Variants in ASTN2 observed in about 807,000 individuals in gnomAD.
The protein encoded by ASTN2 is astrotactin-2.
Under a neutral mutation model 139.8 loss-of-function variants are expected in ASTN2, and 54 were observed. The ratio of observed to expected loss-of-function variants is 0.39; its 90% CI spans 0.31 to 0.48. The LOEUF is 0.48. Among genes scored for constraint, ASTN2 ranks in the 20% least tolerant of loss-of-function variants. The pLI is 0.95. For synonymous variants in ASTN2, 756 were observed against 719.5 expected (o/e 1.05, Z -0.81); for missense variants, 1,565 against 1,725.1 (o/e 0.91, Z 1.64).
At chr9:116,482,040 T>C (rs761229259) in intron 20 of ASTN2, among the ~76,000 whole-genome samples, 1 of 152,074 alleles carries the variant, frequency 6.6e-6, no homozygotes, top group Non-Finnish European at 1.5e-5. Context: ...AAAATAACAC[T>C]ACCCGGCCGG....
chr9:116,482,038 A>G (rs1201969922), intron 20 of ASTN2, among the ~76,000 whole-genome samples: 2 of 152,084 alleles, frequency 1.3e-5, no homozygotes, highest in Non-Finnish European at 2.9e-5. Flanking sequence ...CAAAAATAAC[A>G]CTACCCGGCC....
chr9:117,149,441 G>A (rs985080777), intron 3 of ASTN2, among the ~76,000 whole-genome samples: 4 of 152,116 alleles, frequency 2.6e-5, no homozygotes, highest in African/African-American at 9.7e-5. Flanking sequence ...GTTTGTGTGT[G>A]TGTGTGTATG....
intron 19 of ASTN2, among the ~76,000 whole-genome samples, chr9:116,579,304 T>G (rs16933693): frequency 1.3e-5 from 2 of 152,150 alleles, no homozygotes; most frequent in African/African-American, 4.8e-5. Context: ...ATTCAAACAC[T>G]GGATCTGTCT....
chr9:117,252,808 A>G (rs566908588), intron 2 of ASTN2, among the ~76,000 whole-genome samples: 2 of 152,286 alleles, frequency 1.3e-5, no homozygotes, highest in South Asian at 2.1e-4. Flanking sequence ...CCCTTTTTCC[A>G]TTCTCTGCAG....
chr9:116,776,689 T>C (rs1830095488), intron 13 of ASTN2, among the ~76,000 whole-genome samples: 1 of 152,100 alleles, frequency 6.6e-6, no homozygotes. Flanking sequence ...TGGGTTTGTG[T>C]AGGGGAGGCA....
chr9:116,423,122 T>TAAA lies in ASTN2; in HGVS notation c.*2728_*2729insTTT, dbSNP rs568601888. Among the ~76,000 whole-genome samples, 10 of 152,218 alleles carry TAAA rather than the reference T, an allele frequency of 6.6e-5. No individual in the cohort carries two copies. The highest frequency in any genetic ancestry group is 1.5e-4 in the Non-Finnish European group (10 of 68,044). ...CATAGCTGACAGAGCTGAAAATCAT[T>TAAA]AATTCTTTCTTTTAATCAGAATTCT... On this transcript the variant is annotated 3_prime_UTR_variant, in exon 23 of 23. Coordinates refer to ENST00000313400, the MANE Select transcript of ASTN2 (RefSeq NM_001365068.1).
At chr9:116,752,294 G>A (rs1022964708) in intron 13 of ASTN2, among the ~76,000 whole-genome samples, 3 of 152,116 alleles carry the variant, frequency 2.0e-5, no homozygotes, top group African/African-American at 7.2e-5. Context: ...AGACATCCAT[G>A]TGCCAAGTAA....
chr9:116,852,902 C>CACACACAT (rs968794094), intron 11 of ASTN2, among the ~76,000 whole-genome samples: 3 of 151,328 alleles, frequency 2.0e-5, no homozygotes, highest in African/African-American at 7.3e-5. Flanking sequence ...CACACACACA[C>CACACACAT]ACACACACAC....
At chr9:116,522,158 A>G (rs1850904103) in intron 19 of ASTN2, among the ~76,000 whole-genome samples, 1 of 152,198 alleles carries the variant, frequency 6.6e-6, no homozygotes, top group Admixed American at 6.6e-5. Context: ...TAATCCCACT[A>G]CTAGGTATAT....
intron 16 of ASTN2, among the ~76,000 whole-genome samples, chr9:116,682,195 C>A (rs1275603570): frequency 6.6e-6 from 1 of 152,068 alleles, no homozygotes; most frequent in Non-Finnish European, 1.5e-5. Flanking sequence ...AACAAACAAC[C>A]CCATCAAAAA....
rs1419467230 is a variant in ASTN2 at position 116,651,551 on chromosome 9, T to G, written c.3049A>C (p.Ile1017Leu). The G allele has an allele frequency of 6.2e-7, 1 of 1,614,000 alleles. No individual in the cohort carries two copies. Among genetic ancestry groups the G allele is most frequent in the Non-Finnish European group, 8.5e-7 (1 of 1,179,926 alleles). Residue 1017 changes from isoleucine to leucine, a missense_variant, in exon 17 of 23, where the codon ATC (isoleucine) becomes CTC (leucine). Coordinates refer to ENST00000313400, the MANE Select transcript of ASTN2 (RefSeq NM_001365068.1). ...ACCTCCTTTGTGCCATTGTCTTGGA[T>G]GAGGGTATAAAGTGGCACCACACGG... ...INRVVPLYTL[I>L]QDNGTKEAFK...
At chr9:116,599,390 T>A (rs544384327) in intron 19 of ASTN2, among the ~76,000 whole-genome samples, 4 of 152,350 alleles carry the variant, frequency 2.6e-5, no homozygotes, top group Non-Finnish European at 2.9e-5. Context: ...TGTAACTGTG[T>A]TCATTTTCAA....
chr9:116,555,826 GGGTGCAGA>G (rs1418691813), intron 19 of ASTN2, among the ~76,000 whole-genome samples: 5 of 152,164 alleles, frequency 3.3e-5, no homozygotes, highest in Admixed American at 3.3e-4. Context: ...ATAGGCCTCG[GGGTGCAGA>G]GGTGCAGAGA....
intron 2 of ASTN2, among the ~76,000 whole-genome samples, chr9:117,244,965 T>C (rs538821856): frequency 6.6e-6 from 1 of 152,174 alleles, no homozygotes. Flanking sequence ...GCAGATCTAA[T>C]GTCAATGAAT....
chr9:116,457,874 A>C (rs1848379061), intron 20 of ASTN2, among the ~76,000 whole-genome samples: 1 of 152,162 alleles, frequency 6.6e-6, no homozygotes, highest in African/African-American at 2.4e-5. Flanking sequence ...AAAGGAAATC[A>C]GTATATTGAA....
chr9:116,849,570 A>C (rs1208044855), intron 11 of ASTN2, among the ~76,000 whole-genome samples: 1 of 152,204 alleles, frequency 6.6e-6, no homozygotes, highest in Admixed American at 6.5e-5. Context: ...AAAGAGGTTT[A>C]AAGCAACTTG....
intron 10 of ASTN2, among the ~76,000 whole-genome samples, chr9:116,962,837 G>A (rs1835908506): frequency 6.6e-6 from 1 of 152,190 alleles, no homozygotes; most frequent in Admixed American, 6.5e-5. Context: ...GTGTTTATAG[G>A]TAAGGGGATT....
intron 2 of ASTN2, among the ~76,000 whole-genome samples, chr9:117,279,896 C>T (rs1008773571): frequency 6.6e-6 from 1 of 152,182 alleles, no homozygotes. Flanking sequence ...TTCATACCAT[C>T]TTCCCCTGTG....
At chr9:116,944,931 G>A (rs545798974) in intron 10 of ASTN2, among the ~76,000 whole-genome samples, 39 of 152,244 alleles carry the variant, frequency 2.6e-4, no homozygotes, top group African/African-American at 8.9e-4. Flanking sequence ...ATAAAGATAT[G>A]AATTGTTGCT....
Sources: allele counts gnomAD v4.1 joint callset (sites outside exome capture counted in the v4.1 genomes callset), GRCh38; gene constraint gnomAD v4.1.1; transcripts MANE v1.5; gene names NCBI Gene and HGNC (gene_info 2026-07-23, HGNC 2026-07-21).